MCC: variants seen among roughly 807,000 people sequenced by gnomAD.
MCC encodes the protein MCC regulator of Wnt signaling pathway.
Under a neutral mutation model 116.2 loss-of-function variants are expected in MCC, and 90 were observed. The ratio of observed to expected loss-of-function variants is 0.77; its 90% CI spans 0.65 to 0.92. The LOEUF (loss-of-function observed/expected upper bound fraction) is 0.92. MCC is among the 40% of genes least tolerant of loss of function. The pLI, the probability that MCC is intolerant of heterozygous loss-of-function variation, is 0.00. For synonymous variants in MCC, 578 were observed against 510.5 expected (o/e 1.13, Z -1.78); for missense variants, 1,516 against 1,312.2 (o/e 1.16, Z -2.40).
At chr5:113,183,665 G>T (rs554828172) in intron 3 of MCC, among the ~76,000 whole-genome samples, 1 of 152,310 alleles carries the variant, frequency 6.6e-6, no homozygotes, top group African/African-American at 2.4e-5. Context: ...CGCAGAGAGA[G>T]TTGGGCATCT....
intron 2 of MCC, among the ~76,000 whole-genome samples, chr5:113,367,663 AGAGAGC>A (rs1219743612): frequency 6.7e-6 from 1 of 148,902 alleles, no homozygotes; most frequent in African/African-American, 2.5e-5. Flanking sequence ...AGAGAGAGAG[AGAGAGC>A]GAGAGAGAGA....
rs577782878 is a variant in MCC at position 113,268,230 on chromosome 5, C to T, written c.627+72289G>A. Among the ~76,000 whole-genome samples, 6 of 152,338 alleles carry T rather than the reference C, an allele frequency of 3.9e-5. No homozygotes were observed. The East Asian group carries it at 7.7e-4, about 20-fold the overall frequency. On this transcript the variant is annotated intron_variant, in intron 3 of 18. Transcript: ENST00000408903. ...AGCACCATCTTCCTATACCACTTCC[C>T]TGCTAAAACATTAGTACCTAACTCA...
chr5:113,385,261 G>A (rs1185800775), intron 1 of MCC, 49 bp from the exon 2 acceptor site: 6 of 1,567,434 alleles, frequency 3.8e-6, no homozygotes, highest in Non-Finnish European at 4.3e-6. Flanking sequence ...TGACATTTAA[G>A]CTAGAGAAAC....
intron 3 of MCC, among the ~76,000 whole-genome samples, chr5:113,199,365 G>A (rs1421262238): frequency 2.0e-5 from 3 of 152,086 alleles, no homozygotes; most frequent in African/African-American, 7.2e-5. Context: ...GAAACCACAT[G>A]TAGTAAGCTA....
At position 113,022,794 on chromosome 5, in the gene MCC, T is replaced by G. The variant is rs930768850; in HGVS notation, c.*4508A>C. The G allele has an allele frequency of 3.3e-5, 5 of 152,256 alleles. No individual in the cohort carries two copies. Among genetic ancestry groups the G allele is most frequent in the Admixed American group, 3.3e-4 (5 of 15,286 alleles). 9.4% of individuals were successfully genotyped at this position (152,256 alleles called of 1,614,324 possible). A position where few individuals can be genotyped will look rare whatever the true frequency, so the allele number is the denominator to read the frequency against. On this transcript the variant is annotated 3_prime_UTR_variant, in exon 19 of 19. Transcript: ENST00000408903. ...GCTGATATTTCACCTGATTAGCAGA[T>G]GGATGACTGTGGAAAGATGAAGTAC...
rs1451898035 is a variant in MCC at position 113,027,329 on chromosome 5, C to T, written c.3033G>A (p.Arg1011=). ...RIALLEEENS[R]PHTNETSL ...AAAGCGAAGTTTCATTGGTGTGTGG[C>T]CTGGAGTTCTCCTCCTCTAGCAGAG... The change falls in exon 19 of 19, where the codon AGG becomes AGA. Residue 1011 remains arginine (R), a synonymous_variant. Transcript: ENST00000408903. 1.2e-6 allele frequency: 2 copies of T among 1,614,174 alleles called. No homozygotes were observed. Among genetic ancestry groups the T allele is most frequent in the South Asian group, 2.2e-5 (2 of 91,074 alleles).
At chr5:113,300,569 G>C (rs1333000409) in intron 3 of MCC, among the ~76,000 whole-genome samples, 1 of 152,164 alleles carries the variant, frequency 6.6e-6, no homozygotes, top group Non-Finnish European at 1.5e-5. Context: ...TGAGGGCATA[G>C]GGGGATTTCA....
At chr5:113,253,127 T>C (rs1764864081) in intron 3 of MCC, among the ~76,000 whole-genome samples, 1 of 152,084 alleles carries the variant, frequency 6.6e-6, no homozygotes, top group Non-Finnish European at 1.5e-5. Flanking sequence ...GGACTAAAGA[T>C]TCGTATAGGT....
chr5:113,332,441 G>A (rs1361263816), intron 3 of MCC, among the ~76,000 whole-genome samples: 1 of 151,252 alleles, frequency 6.6e-6, no homozygotes, highest in Non-Finnish European at 1.5e-5. Context: ...CAGGGACAGT[G>A]ACTTACGCCT....
intron 2 of MCC, among the ~76,000 whole-genome samples, chr5:113,357,926 C>T (rs1225963638): frequency 1.3e-5 from 2 of 152,160 alleles, no homozygotes; most frequent in Admixed American, 1.3e-4. Context: ...TGCCCACTGG[C>T]CTTCTTCCAA....
At chr5:113,290,993 G>C (rs1427518537) in intron 3 of MCC, among the ~76,000 whole-genome samples, 2 of 152,062 alleles carry the variant, frequency 1.3e-5, no homozygotes, top group African/African-American at 2.4e-5. Flanking sequence ...GAATTCCTTT[G>C]CTTTCAAAAA....
Position 113,064,153 on chromosome 5 carries a change from C to T in MCC, c.2044G>A (p.Asp682Asn), listed in dbSNP as rs771468094. 3.1e-6 allele frequency: 5 copies of T among 1,611,692 alleles called. No individual in the cohort carries two copies. Among genetic ancestry groups the T allele is most frequent in the Middle Eastern group, 1.7e-4 (1 of 6,040 alleles). ...VGSSPGDQSG[D>N]ENITQMLKRA... is the part of the protein sequence containing the mutation. Reference sequence around the variant, plus strand: ...TTGAGCATCTGAGTGATGTTTTCATCCCCCGACTGGTCTCCTATGTGGCAG... The same window carrying T: ...TTGAGCATCTGAGTGATGTTTTCATTCCCCGACTGGTCTCCTATGTGGCAG... The change falls in exon 14 of 19, where the codon GAT (aspartate) becomes AAT (asparagine). Residue 682 changes from aspartate (D) to asparagine (N), a missense_variant. Physicochemically the swap from Asp to Asn is conservative, Grantham distance 23 (BLOSUM62 1). Coordinates refer to ENST00000408903, the MANE Select transcript of MCC (RefSeq NM_001085377.2).
chr5:113,144,943 T>C (rs1759402826), intron 4 of MCC, among the ~76,000 whole-genome samples: 1 of 152,174 alleles, frequency 6.6e-6, no homozygotes, highest in Admixed American at 6.5e-5. Flanking sequence ...GGGGCACATC[T>C]AGTGGAAGCT....
chr5:113,243,049 T>C (rs1450622119), intron 3 of MCC, among the ~76,000 whole-genome samples: 5 of 152,204 alleles, frequency 3.3e-5, no homozygotes, highest in Non-Finnish European at 7.3e-5. Flanking sequence ...ATATCCAATG[T>C]AGTGGTCTAA....
At position 113,093,469 on chromosome 5, in the gene MCC, A is replaced by ATCTCTC. The variant is rs144701142; in HGVS notation, c.1399-8165_1399-8160dup. On this transcript the variant is annotated intron_variant, in intron 8 of 18. Transcript: ENST00000408903. The stretch of plus-strand genomic sequence containing the variant: ...ATCTATCTTATCTATCTATCTGTTG[A>ATCTCTC]TCTCTCTCTCTCTCTCTCTCTCAAT... 5.5e-3 allele frequency among the ~76,000 whole-genome samples: 824 copies of ATCTCTC among 149,284 alleles called. 5 individuals carry two copies. Among genetic ancestry groups the ATCTCTC allele is most frequent in the Middle Eastern group, 0.043 (12 of 282 alleles).
rs1760654154 is a variant in MCC, at chr5:113,164,239, C to T, written c.628-12817G>A. On this transcript the variant is annotated intron_variant, in intron 3 of 18. Coordinates refer to ENST00000408903, the MANE Select transcript of MCC (RefSeq NM_001085377.2). Reference sequence around the variant, plus strand: ...GTCACTATGTCTATGTGCTAAAAAGCTCGGCAACTCCTCAGACAGCCAAGC... The same window carrying T: ...GTCACTATGTCTATGTGCTAAAAAGTTCGGCAACTCCTCAGACAGCCAAGC... Among the ~76,000 whole-genome samples the T allele has an allele frequency of 2.0e-5, 3 of 152,292 alleles. No homozygotes were observed. In the South Asian group the frequency reaches 6.2e-4, roughly 32 times the overall value.
rs992655279 is a variant in MCC, at chr5:113,025,985, A to G, written c.*1317T>C. The G allele has an allele frequency of 6.6e-5, 10 of 152,230 alleles. No homozygotes were observed. The highest frequency in any genetic ancestry group is 2.4e-4 in the African/African-American group (10 of 41,458). 9.4% of individuals were successfully genotyped at this position (152,230 alleles called of 1,614,324 possible). ...AACTTTGGATGGATTCTCTGGTGCTACAGAAAAAAACAGTAAATGGTCCTT... is the reference window on the plus strand; with the variant it reads ...AACTTTGGATGGATTCTCTGGTGCTGCAGAAAAAAACAGTAAATGGTCCTT... On this transcript the variant is annotated 3_prime_UTR_variant, in exon 19 of 19. Coordinates refer to ENST00000408903, the MANE Select transcript of MCC (RefSeq NM_001085377.2).
At chr5:113,217,082 G>A (rs1241798266) in intron 3 of MCC, among the ~76,000 whole-genome samples, 1 of 152,164 alleles carries the variant, frequency 6.6e-6, no homozygotes, top group Non-Finnish European at 1.5e-5. Context: ...CATCACACTT[G>A]ATCTTTTCAT....
chr5:113,344,665 A>T (rs1768091416), intron 2 of MCC, among the ~76,000 whole-genome samples: 1 of 151,926 alleles, frequency 6.6e-6, no homozygotes, highest in Non-Finnish European at 1.5e-5. Flanking sequence ...GCTTCCAGAC[A>T]TTTGTAGACA....
Sources: allele counts gnomAD v4.1 joint callset (sites outside exome capture counted in the v4.1 genomes callset), GRCh38; gene constraint gnomAD v4.1.1; transcripts MANE v1.5; gene names NCBI Gene and HGNC (gene_info 2026-07-23, HGNC 2026-07-21).